The following AFF1 variants were observed in gnomAD, a reference collection of about 807,000 sequenced individuals.
AFF1 encodes ALF transcription elongation factor 1.
In AFF1, 48 loss-of-function variants were observed where a neutral mutation model predicts 121.7. The ratio of observed to expected loss-of-function variants is 0.39; its 90% CI spans 0.31 to 0.50. AFF1 has a LOEUF of 0.50. Among genes scored for constraint, AFF1 ranks in the 20% least tolerant of loss-of-function variants. The pLI is 0.76. For missense variants in AFF1, 1,523 were observed against 1,511.7 expected (o/e 1.01, Z -0.12); for synonymous variants, 613 against 563.0 (o/e 1.09, Z -1.26).
chr4:86,990,537 G>T (rs1345752610), intron 2 of AFF1, among the ~76,000 whole-genome samples: 1 of 152,126 alleles, frequency 6.6e-6, no homozygotes, highest in East Asian at 1.9e-4. Context: ...AGTACCCCAA[G>T]TGTGGTTTCA....
At chr4:87,062,394 C>T (rs1342530189) in intron 4 of AFF1, among the ~76,000 whole-genome samples, 4 of 152,132 alleles carry the variant, frequency 2.6e-5, no homozygotes, top group South Asian at 2.1e-4. Context: ...GCAGCGAGCC[C>T]TCATGACCTA....
chr4:87,127,001 C>G (rs1578311714), intron 14 of AFF1, 25 bp from the exon 15 acceptor site: 6 of 1,589,572 alleles, frequency 3.8e-6, no homozygotes, highest in African/African-American at 2.7e-5. Flanking sequence ...AGAGTGTAAT[C>G]TGTATATTGA....
At chr4:87,057,332 A>G (rs1415869303) in intron 4 of AFF1, among the ~76,000 whole-genome samples, 11 of 152,228 alleles carry the variant, frequency 7.2e-5, no homozygotes, top group Admixed American at 7.2e-4. Flanking sequence ...TTAGATAAAA[A>G]CAAGAATCAT....
At chr4:87,001,260 A>G (rs970683030) in intron 2 of AFF1, among the ~76,000 whole-genome samples, 4 of 118,580 alleles carry the variant, frequency 3.4e-5, no homozygotes, top group African/African-American at 1.3e-4. Flanking sequence ...CTCTGTCACC[A>G]GGCTGGAGTG....
intron 4 of AFF1, among the ~76,000 whole-genome samples, chr4:87,072,776 C>T (rs1471940140): frequency 6.6e-6 from 1 of 152,178 alleles, no homozygotes; most frequent in Admixed American, 6.5e-5. Flanking sequence ...AGTGATCTGC[C>T]TGCCCTCGGT....
At chr4:86,986,125 T>G (rs2149497782) in intron 2 of AFF1, among the ~76,000 whole-genome samples, 1 of 152,070 alleles carries the variant, frequency 6.6e-6, no homozygotes, top group East Asian at 1.9e-4. Flanking sequence ...CAGGCTGGAG[T>G]GCAGTGGCAT....
chr4:87,020,144 G>T (rs1727752338), intron 2 of AFF1, among the ~76,000 whole-genome samples: 1 of 152,146 alleles, frequency 6.6e-6, no homozygotes, highest in African/African-American at 2.4e-5. Context: ...TTTGTCCTTT[G>T]TGTATCACAG....
chr4:87,084,021 C>T (rs1329022186), intron 4 of AFF1, 99 bp from the exon 5 acceptor site: 3 of 1,100,648 alleles, frequency 2.7e-6, no homozygotes, highest in Non-Finnish European at 4.2e-6. Flanking sequence ...AGAAGGTAAG[C>T]CTTGAGATGA....
At chr4:87,021,526 T>G (rs904071931) in intron 2 of AFF1, among the ~76,000 whole-genome samples, 1 of 152,238 alleles carries the variant, frequency 6.6e-6, no homozygotes, top group African/African-American at 2.4e-5. Flanking sequence ...ACAGTATCAT[T>G]GTTTCTGTGG....
At chr4:87,016,271 G>T (rs1027027535) in intron 2 of AFF1, among the ~76,000 whole-genome samples, 1 of 152,052 alleles carries the variant, frequency 6.6e-6, no homozygotes, top group African/African-American at 2.4e-5. Flanking sequence ...TATATCTTTT[G>T]TTATATCTCA....
intron 10 of AFF1, among the ~76,000 whole-genome samples, chr4:87,107,188 G>A (rs1389820553): frequency 6.6e-6 from 1 of 152,072 alleles, no homozygotes; most frequent in East Asian, 1.9e-4. Context: ...TAGTGATTTT[G>A]TTATTGTTTA....
In AFF1 at chr4:86,988,034, TTC is replaced by T. The variant is rs530648681; in HGVS notation, c.38+39465_38+39466del. On this transcript the variant is annotated intron_variant, in intron 2 of 20. Coordinates refer to ENST00000395146, the MANE Select transcript of AFF1 (RefSeq NM_001166693.3). ...AACCCCAGAGTTTCTGATTCAGTAG[TTC>T]TTTTTGTTTTTGATATATAATAATT... 1.4e-4 allele frequency among the ~76,000 whole-genome samples: 20 copies of T among 142,578 alleles called. No homozygotes were observed. The East Asian group carries it at 3.6e-3, about 26-fold the overall frequency. 93.5% of individuals were successfully genotyped at this position (142,578 alleles called of 152,430 possible). A position where few individuals can be genotyped will look rare whatever the true frequency, so the allele number is the denominator to read the frequency against.
intron 8 of AFF1, among the ~76,000 whole-genome samples, chr4:87,101,462 A>C (rs1167880271): frequency 6.6e-6 from 1 of 152,152 alleles, no homozygotes; most frequent in Non-Finnish European, 1.5e-5. Flanking sequence ...CTTTGGTCCC[A>C]GCTACTCAGG....
At chr4:87,011,078 C>CAAA (rs10715968) in intron 2 of AFF1, among the ~76,000 whole-genome samples, 2 of 70,776 alleles carry the variant, frequency 2.8e-5, no homozygotes, top group Non-Finnish European at 5.9e-5. Context: ...GACTCCGTCT[C>CAAA]AAAAAAAAAA....
chr4:87,030,272 G>C (rs1728940969), intron 2 of AFF1, among the ~76,000 whole-genome samples: 1 of 152,154 alleles, frequency 6.6e-6, no homozygotes, highest in African/African-American at 2.4e-5. Flanking sequence ...CACCTACTTA[G>C]CTCTGCTGTG....
chr4:87,004,308 C>A (rs760940410), intron 2 of AFF1, among the ~76,000 whole-genome samples: 1 of 152,260 alleles, frequency 6.6e-6, no homozygotes, highest in Non-Finnish European at 1.5e-5. Flanking sequence ...GTTTGCACCT[C>A]AATTACTGTG....
At chr4:87,007,429 G>A (rs1406537410) in intron 2 of AFF1, 2 of 1,614,018 alleles carry the variant, frequency 1.2e-6, no homozygotes, top group Admixed American at 1.7e-5. Context: ...GTCAAGGTAA[G>A]CCGTGCACCG....
intron 12 of AFF1, among the ~76,000 whole-genome samples, chr4:87,122,109 T>C (rs549690662): frequency 8.5e-5 from 13 of 152,352 alleles, no homozygotes; most frequent in African/African-American, 2.6e-4. Flanking sequence ...AAGTATACTT[T>C]AGTACCTAAT....
chr4:87,051,974 AGGAGGCTGACTTAAAAATGGT>A (rs1365221199), intron 4 of AFF1, among the ~76,000 whole-genome samples: 1 of 152,222 alleles, frequency 6.6e-6, no homozygotes, highest in Non-Finnish European at 1.5e-5. Flanking sequence ...GATGAATCAG[AGGAGGCTGACTTAAAAATGGT>A]GGTCAGCACA....
Sources: allele counts gnomAD v4.1 joint callset (sites outside exome capture counted in the v4.1 genomes callset), GRCh38; gene constraint gnomAD v4.1.1; transcripts MANE v1.5; gene names NCBI Gene and HGNC (gene_info 2026-07-23, HGNC 2026-07-21).